Variants in ANKRD17 observed in about 807,000 individuals in gnomAD.
The protein encoded by ANKRD17 is ankyrin repeat domain 17, also known as ankyrin repeat domain-containing protein 17.
Under a neutral mutation model 229.7 loss-of-function variants are expected in ANKRD17, and 19 were observed. That is an observed-to-expected ratio of 0.08 (90% CI 0.06 to 0.12). The LOEUF is 0.12. ANKRD17 is among the 10% of genes least tolerant of loss of function. ANKRD17 has a pLI of 1.00. For synonymous variants in ANKRD17, 1,112 were observed against 1,146.1 expected (o/e 0.97, Z 0.60); for missense variants, 2,176 against 3,176.8 (o/e 0.68, Z 7.57).
At chr4:73,105,463 A>G (rs1446616992) in intron 24 of ANKRD17, among the ~76,000 whole-genome samples, 1 of 152,078 alleles carries the variant, frequency 6.6e-6, no homozygotes, top group Non-Finnish European at 1.5e-5. Context: ...TCTGAAAGGC[A>G]TAATCAGAGG....
At chr4:73,181,464 C>T (rs1735531461) in intron 1 of ANKRD17, among the ~76,000 whole-genome samples, 1 of 152,016 alleles carries the variant, frequency 6.6e-6, no homozygotes, top group South Asian at 2.1e-4. Context: ...CTTTTTCCAA[C>T]TAGAAAGAGC....
At chr4:73,258,162 G>A in intron 1 of ANKRD17, 114 bp downstream of exon 1, 2 of 1,530,906 alleles carry the variant, frequency 1.3e-6, no homozygotes, top group Non-Finnish European at 8.8e-7. Context: ...TCGAAAGCCT[G>A]GCCCCTAAGA....
chr4:73,214,059 C>A (rs1740675444), intron 1 of ANKRD17, among the ~76,000 whole-genome samples: 1 of 152,178 alleles, frequency 6.6e-6, no homozygotes, highest in Non-Finnish European at 1.5e-5. Context: ...GCATTCACTA[C>A]TTCCTTCAGG....
intron 6 of ANKRD17, among the ~76,000 whole-genome samples, chr4:73,152,311 ATAAG>A (rs1461463956): frequency 6.6e-6 from 1 of 152,158 alleles, no homozygotes; most frequent in Non-Finnish European, 1.5e-5. Flanking sequence ...ATTTACTTCC[ATAAG>A]TAAGTGTAGT....
At chr4:73,125,688 A>C (rs1169522505) in intron 16 of ANKRD17, among the ~76,000 whole-genome samples, 1 of 150,208 alleles carries the variant, frequency 6.7e-6, no homozygotes, top group East Asian at 2.0e-4. Context: ...AACCAAGATC[A>C]CGCCACTGCA....
At chr4:73,236,447 C>G (rs547490222) in intron 1 of ANKRD17, among the ~76,000 whole-genome samples, 1 of 152,260 alleles carries the variant, frequency 6.6e-6, no homozygotes, top group East Asian at 1.9e-4. Flanking sequence ...CTGCAACCAG[C>G]CTGAAATCCA....
At chr4:73,208,776 G>T (rs1191758280) in intron 1 of ANKRD17, among the ~76,000 whole-genome samples, 3 of 152,124 alleles carry the variant, frequency 2.0e-5, no homozygotes, top group Non-Finnish European at 4.4e-5. Flanking sequence ...TGCATAGAGG[G>T]AAACTTATAG....
intron 1 of ANKRD17, among the ~76,000 whole-genome samples, chr4:73,184,209 C>T (rs1490048511): frequency 6.6e-6 from 1 of 152,086 alleles, no homozygotes; most frequent in Non-Finnish European, 1.5e-5. Context: ...GTTTAATAAA[C>T]TCGTATTTAT....
chr4:73,207,615 G>A (rs1035701178), intron 1 of ANKRD17, among the ~76,000 whole-genome samples: 1 of 152,148 alleles, frequency 6.6e-6, no homozygotes, highest in Non-Finnish European at 1.5e-5. Flanking sequence ...AATGCTGGTA[G>A]AGCTATTATC....
At chr4:73,104,589 C>G (rs1724389190) in intron 24 of ANKRD17, among the ~76,000 whole-genome samples, 1 of 152,134 alleles carries the variant, frequency 6.6e-6, no homozygotes, top group African/African-American at 2.4e-5. Context: ...TGTATCGTAT[C>G]TGTATAGACA....
At chr4:73,118,968 C>G in intron 21 of ANKRD17, 118 bp from the exon 22 acceptor site, 1 of 1,046,488 alleles carries the variant, frequency 9.6e-7, no homozygotes, top group Non-Finnish European at 1.4e-6. Context: ...CTCACTGCAG[C>G]CTCCACCTCC....
chr4:73,220,761 C>A (rs1741743823), intron 1 of ANKRD17, among the ~76,000 whole-genome samples: 1 of 152,022 alleles, frequency 6.6e-6, no homozygotes, highest in Non-Finnish European at 1.5e-5. Context: ...TCCGTATGTT[C>A]AATAAATAAA....
chr4:73,093,727 T>C (rs1723018513), intron 28 of ANKRD17, among the ~76,000 whole-genome samples: 1 of 152,184 alleles, frequency 6.6e-6, no homozygotes, highest in African/African-American at 2.4e-5. Context: ...TCAAAGGTTA[T>C]TTGAGAAAGA....
intron 27 of ANKRD17, 71 bp downstream of exon 27, chr4:73,097,041 GAATTT>G: frequency 6.7e-7 from 1 of 1,487,732 alleles, no homozygotes; most frequent in Non-Finnish European, 9.0e-7. Flanking sequence ...AGAGTAGGAG[GAATTT>G]AATTATAAGG....
At chr4:73,132,499 G>C (rs1288124102) in intron 16 of ANKRD17, among the ~76,000 whole-genome samples, 2 of 152,030 alleles carry the variant, frequency 1.3e-5, no homozygotes, top group Admixed American at 6.6e-5. Context: ...TCCAAGGTAG[G>C]AACTTTTTAA....
chr4:73,147,130 T>C, intron 9 of ANKRD17, 111 bp downstream of exon 9: 1 of 1,090,702 alleles, frequency 9.2e-7, no homozygotes, highest in Non-Finnish European at 1.3e-6. Flanking sequence ...TCACACGTTT[T>C]TTTAAACTCA....
intron 1 of ANKRD17, among the ~76,000 whole-genome samples, chr4:73,186,548 T>A (rs1736318734): frequency 6.6e-6 from 1 of 152,126 alleles, no homozygotes; most frequent in African/African-American, 2.4e-5. Context: ...ATTAAGCAGC[T>A]ACTATAATCT....
chr4:73,252,529 G>A (rs186258192), intron 1 of ANKRD17, among the ~76,000 whole-genome samples: 4 of 152,214 alleles, frequency 2.6e-5, no homozygotes, highest in Admixed American at 2.6e-4. Context: ...AACTCTTTGA[G>A]GATCTAATGA....
intron 16 of ANKRD17, among the ~76,000 whole-genome samples, chr4:73,133,665 A>ATTAC (rs1460644761): frequency 6.6e-6 from 1 of 151,792 alleles, no homozygotes; most frequent in Non-Finnish European, 1.5e-5. Context: ...AAGTGCTGGG[A>ATTAC]TTACAGGCGT....
Sources: gnomAD v4.1 joint callset for allele counts (sites outside exome capture counted in the v4.1 genomes callset) on GRCh38, gnomAD v4.1.1 for gene constraint, MANE v1.5 for transcripts, NCBI Gene and HGNC (gene_info 2026-07-23, HGNC 2026-07-21) for gene names.